SLC26A7: variants seen among roughly 807,000 people sequenced by gnomAD.
The protein encoded by SLC26A7 is solute carrier family 26 member 7, also known as anion exchange transporter.
In SLC26A7, 59 loss-of-function variants were observed where a neutral mutation model predicts 82.5. The ratio of observed to expected loss-of-function variants is 0.72; its 90% CI spans 0.58 to 0.89. The LOEUF (loss-of-function observed/expected upper bound fraction) is 0.89, where lower values mean the gene tolerates loss of function less well. SLC26A7 is among the 40% of genes least tolerant of loss of function. The pLI, the probability that SLC26A7 is intolerant of heterozygous loss-of-function variation, is 0.00. For synonymous variants in SLC26A7, 271 were observed against 274.3 expected, an observed-to-expected ratio of 0.99 and a Z score of 0.12; for missense variants, 820 against 793.0, an observed-to-expected ratio of 1.03 and a Z score of -0.41.
At position 91,219,633 on chromosome 8, in the gene SLC26A7, T is replaced by C. The variant is rs549359137; in HGVS notation, c.-34+628T>C. ...AACAGAAAAGTAGAAAAATAAGTTA[T>C]GAAAATATGTGGTGTGCTTTGCACA... On this transcript the variant is annotated intron_variant, in intron 2 of 5. Coordinates refer to the SLC26A7 transcript ENST00000522862. 5.3e-5 allele frequency among the ~76,000 whole-genome samples: 8 copies of C among 152,284 alleles called. No homozygotes were observed. The South Asian group carries it at 8.3e-4, about 16-fold the overall frequency.
At chr8:91,218,404 G>A (rs937257672) in intron 1 of SLC26A7, among the ~76,000 whole-genome samples, 5 of 151,778 alleles carry the variant, frequency 3.3e-5, no homozygotes, top group Non-Finnish European at 1.5e-5. Context: ...CAACTTGCCT[G>A]AGACCCAGCC....
At chr8:91,340,906 G>A (rs1298469848) in intron 8 of SLC26A7, among the ~76,000 whole-genome samples, 1 of 151,832 alleles carries the variant, frequency 6.6e-6, no homozygotes, top group African/African-American at 2.4e-5. Flanking sequence ...ACTAAAGAAT[G>A]TGAGCGTCTA....
chr8:91,390,213 A>T (rs562143875), intron 16 of SLC26A7, among the ~76,000 whole-genome samples: 13 of 149,112 alleles, frequency 8.7e-5, no homozygotes, highest in South Asian at 4.3e-4. Flanking sequence ...GCCTCCTGGG[A>T]TCACGCCATT....
chr8:91,234,394 G>C (rs1422340225), intron 2 of SLC26A7, among the ~76,000 whole-genome samples: 1 of 152,018 alleles, frequency 6.6e-6, no homozygotes, highest in Non-Finnish European at 1.5e-5. Context: ...TTAAGAAGTA[G>C]AGTAGTTGCC....
intron 4 of SLC26A7, among the ~76,000 whole-genome samples, chr8:91,311,020 T>C (rs1168359441): frequency 6.6e-6 from 1 of 152,214 alleles, no homozygotes; most frequent in Non-Finnish European, 1.5e-5. Flanking sequence ...AGTTGAATTC[T>C]TTCTTCCGAG....
intron 2 of SLC26A7, chr8:91,219,241 A>G (rs549695714): frequency 5.9e-4 from 182 of 310,898 alleles, no homozygotes; most frequent in African/African-American, 3.6e-3. Flanking sequence ...AAAAATAAAG[A>G]TTTGTGTGGC....
intron 2 of SLC26A7, among the ~76,000 whole-genome samples, chr8:91,283,738 T>C (rs1332925247): frequency 6.6e-6 from 1 of 152,150 alleles, no homozygotes; most frequent in Non-Finnish European, 1.5e-5. Context: ...CCATCTCCAC[T>C]CCCAACTCTC....
intron 4 of SLC26A7, among the ~76,000 whole-genome samples, chr8:91,314,726 A>T (rs1325349148): frequency 6.6e-6 from 1 of 152,180 alleles, no homozygotes; most frequent in Admixed American, 6.5e-5. Flanking sequence ...TCTCCATGTT[A>T]AAGATTTATC....
chr8:91,240,962 T>A (rs1361124676), intron 2 of SLC26A7, among the ~76,000 whole-genome samples: 1 of 152,110 alleles, frequency 6.6e-6, no homozygotes, highest in Non-Finnish European at 1.5e-5. Flanking sequence ...AGAGCCTCAC[T>A]GGCACATAGA....
intron 4 of SLC26A7, among the ~76,000 whole-genome samples, chr8:91,314,485 T>A (rs756881378): frequency 5.6e-4 from 86 of 152,256 alleles, no homozygotes; most frequent in Non-Finnish European, 1.1e-3. Flanking sequence ...AGGGAGTTCT[T>A]AAATCTCTCC....
In SLC26A7 at chr8:91,311,637, T is replaced by A. The variant is rs367772261; in HGVS notation, c.478-6579T>A. On this transcript the variant is annotated intron_variant, in intron 4 of 18. Transcript: ENST00000276609. ...ACAGTTCTCAATCAATTTAGAAGTT[T>A]ATTTTGCCAAGGTTAAGGACATGCC... Among the ~76,000 whole-genome samples the A allele has an allele frequency of 7.9e-5, 12 of 152,306 alleles. No homozygotes were observed. The East Asian group carries it at 1.5e-3, about 20-fold the overall frequency.
At chr8:91,371,343 A>G (rs1416259748) in intron 15 of SLC26A7, among the ~76,000 whole-genome samples, 2 of 151,786 alleles carry the variant, frequency 1.3e-5, no homozygotes, top group Admixed American at 6.6e-5. Context: ...ACACTGGTAT[A>G]TTGAAAATAG....
intron 2 of SLC26A7, among the ~76,000 whole-genome samples, chr8:91,279,425 G>A: frequency 6.6e-6 from 1 of 151,888 alleles, no homozygotes; most frequent in East Asian, 1.9e-4. Context: ...CAGCATACAT[G>A]GCTTTCCTTT....
intron 15 of SLC26A7, among the ~76,000 whole-genome samples, chr8:91,386,721 C>T (rs1814809066): frequency 6.6e-6 from 1 of 152,088 alleles, no homozygotes; most frequent in South Asian, 2.1e-4. Flanking sequence ...GTAGCATTTG[C>T]CAATTTCCAT....
intron 2 of SLC26A7, among the ~76,000 whole-genome samples, chr8:91,237,625 G>T (rs529896342): frequency 6.6e-6 from 1 of 151,804 alleles, no homozygotes; most frequent in Non-Finnish European, 1.5e-5. Flanking sequence ...TCTCTCTACC[G>T]TGTCTTTTCC....
At chr8:91,218,762 A>C in intron 1 of SLC26A7, 1 of 571,222 alleles carries the variant, frequency 1.8e-6, no homozygotes. Flanking sequence ...AGAGCAAATC[A>C]AGCATAAATA....
chr8:91,278,693 G>A (rs1400293343), intron 2 of SLC26A7, among the ~76,000 whole-genome samples: 1 of 152,036 alleles, frequency 6.6e-6, no homozygotes, highest in Non-Finnish European at 1.5e-5. Flanking sequence ...TATGTATGCA[G>A]TATGAAATGG....
At chr8:91,238,449 T>A (rs1018953297) in intron 2 of SLC26A7, among the ~76,000 whole-genome samples, 4 of 151,746 alleles carry the variant, frequency 2.6e-5, no homozygotes, top group Admixed American at 2.0e-4. Context: ...GCTTTATTGA[T>A]GTATATGATA....
chr8:91,262,728 G>GT (rs1200080058), intron 2 of SLC26A7, among the ~76,000 whole-genome samples: 1 of 151,830 alleles, frequency 6.6e-6, no homozygotes, highest in Non-Finnish European at 1.5e-5. Context: ...ATGCTCTTTA[G>GT]TTTTGAAGAG....
Sources: gnomAD v4.1 joint callset for allele counts (sites outside exome capture counted in the v4.1 genomes callset) on GRCh38, gnomAD v4.1.1 for gene constraint, MANE v1.5 for transcripts, NCBI Gene and HGNC (gene_info 2026-07-23, HGNC 2026-07-21) for gene names.